The following LPA variants were observed in gnomAD, a reference collection of about 807,000 sequenced individuals.
The protein encoded by LPA is lipoprotein(a), also known as apolipoprotein(a).
In LPA, 199 loss-of-function variants were observed where a neutral mutation model predicts 197.9. That is an observed-to-expected ratio of 1.01 (90% confidence interval 0.90 to 1.13). The LOEUF (loss-of-function observed/expected upper bound fraction) is 1.13. Ranked by LOEUF, LPA falls within the 50% of genes most tolerant of loss-of-function variation. LPA has a pLI of 0.00. For synonymous variants in LPA, 715 were observed against 639.5 expected, an observed-to-expected ratio of 1.12 and a Z score of -1.78; for missense variants, 1,853 against 1,785.8, an observed-to-expected ratio of 1.04 and a Z score of -0.68.
At chr6:160,591,506 G>A (rs974195489) in intron 22 of LPA, among the ~76,000 whole-genome samples, 2 of 152,204 alleles carry the variant, frequency 1.3e-5, no homozygotes, top group Non-Finnish European at 2.9e-5. Flanking sequence ...TTCTATAGGA[G>A]TACCCAATCT....
At chr6:160,565,096 G>A (rs1312905611) in intron 28 of LPA, among the ~76,000 whole-genome samples, 3 of 152,236 alleles carry the variant, frequency 2.0e-5, no homozygotes, top group Non-Finnish European at 4.4e-5. Context: ...ACCTCTGGGG[G>A]CAGGGCATAG....
rs1779521140 is a variant in LPA at position 160,611,563 on chromosome 6, C to T, written c.2602G>A (p.Ala868Thr). ...HSRTPEYYPN[A>T]GLIMNYCRNP... ...TTATGGTAAAGAACAAAGACATACG[C>T]ATTTGGGTAGTATTCTGGGGTCCGA... Residue 868 changes from alanine to threonine, a missense_variant and splice_region_variant, in exon 16 of 39, where the codon GCT becomes ACT. Transcript: ENST00000316300. 1.9e-6 allele frequency: 3 copies of T among 1,606,464 alleles called. No individual in the cohort carries two copies. Among genetic ancestry groups the T allele is most frequent in the Non-Finnish European group, 1.7e-6 (2 of 1,179,086 alleles).
chr6:160,599,672 C>T lies in LPA; in HGVS notation c.3128-13G>A. 6.2e-7 allele frequency: 1 copy of T among 1,613,846 alleles called. No individual in the cohort carries two copies. Among genetic ancestry groups the T allele is most frequent in the East Asian group, 2.2e-5 (1 of 44,846 alleles). ...TCCTCAGTCAGTGCTGAAATTAAAA[C>T]AGAAGACATCAAGCTTATTATTTCC... On this transcript the variant is annotated splice_polypyrimidine_tract_variant and intron_variant, in intron 19 of 38. Coordinates refer to ENST00000316300, the MANE Select transcript of LPA (RefSeq NM_005577.4).
chr6:160,589,563 A>G lies in LPA; in HGVS notation c.3937T>C (p.Tyr1313His). ...AACTCAAAGACATACCCATTTGGGT[A>G]GTATTCTGTGGTTCTCTGATGCCAG... is the stretch of plus-strand genomic sequence containing the variant. ...PHWHQRTTEY[Y>H]PNGGLTRNYC... The change falls in exon 24 of 39, where the codon TAC becomes CAC. Residue 1313 changes from tyrosine (Y) to histidine (H), a missense_variant. Tyr to His is a moderately conservative substitution (Grantham distance 83, BLOSUM62 2). Around this residue, in one of 3 missense-constraint regions of LPA, gnomAD observed 1,737 missense variants for 1,504.4 expected, o/e 1.15. Transcript: ENST00000316300. 1 of 1,613,762 alleles carries G rather than the reference A, an allele frequency of 6.2e-7. No homozygotes were observed. Among genetic ancestry groups the G allele is most frequent in the South Asian group, 1.1e-5 (1 of 91,078 alleles).
intron 36 of LPA, among the ~76,000 whole-genome samples, chr6:160,538,369 T>C (rs2114996202): frequency 6.6e-6 from 1 of 152,300 alleles, no homozygotes; most frequent in African/African-American, 2.4e-5. Context: ...AAATTGCAAA[T>C]GCCTTGTGTG....
At chr6:160,584,235 T>C (rs1562331268) in intron 26 of LPA, among the ~76,000 whole-genome samples, 1 of 85,910 alleles carries the variant, frequency 1.2e-5, no homozygotes, top group Non-Finnish European at 2.3e-5. Flanking sequence ...TTCTTCTTCT[T>C]CTTCCTCCTC....
Position 160,532,428 on chromosome 6 carries a change from C to T in LPA, c.5961+103G>A, listed in dbSNP as rs573623067. On this transcript the variant is annotated intron_variant, in intron 38 of 38. Transcript: ENST00000316300. ...GAGCAACACTTAGACTGGGGTCTTC[C>T]ACTGACAAAACCTTCCTGAATTTGC... 31 of 876,026 alleles carry T rather than the reference C, an allele frequency of 3.5e-5. No homozygotes were observed. The South Asian group carries it at 3.8e-4, about 11-fold the overall frequency. 54.3% of individuals were successfully genotyped at this position (876,026 alleles called of 1,614,324 possible).
chr6:160,557,695 A>T, intron 28 of LPA, 124 bp from the exon 29 acceptor site: 1 of 810,374 alleles, frequency 1.2e-6, no homozygotes, highest in South Asian at 1.6e-5. Flanking sequence ...CATTTTAGGT[A>T]CAATAATATT....
chr6:160,534,387 G>A (rs1777853547), intron 37 of LPA, among the ~76,000 whole-genome samples: 1 of 152,172 alleles, frequency 6.6e-6, no homozygotes, highest in Non-Finnish European at 1.5e-5. Flanking sequence ...CCATCTCGTG[G>A]CCAATGTAGA....
chr6:160,586,696 C>T (rs572968140), intron 24 of LPA, 66 bp from the exon 25 acceptor site: 2 of 1,608,102 alleles, frequency 1.2e-6, no homozygotes, highest in East Asian at 4.5e-5. Context: ...CTGGCACCCT[C>T]TATGTTTTCT....
chr6:160,584,565 C>T (rs1049775090), intron 26 of LPA, among the ~76,000 whole-genome samples: 3 of 152,078 alleles, frequency 2.0e-5, no homozygotes, highest in Admixed American at 2.0e-4. Flanking sequence ...CTCCTGACCT[C>T]TGGTGATCTG....
At chr6:160,606,335 A>G in intron 17 of LPA, 142 bp downstream of exon 17, 11 of 1,273,124 alleles carry the variant, frequency 8.6e-6, no homozygotes, top group Non-Finnish European at 1.2e-5. Flanking sequence ...CAGAGAGTGC[A>G]CGGAGGCTTC....
chr6:160,609,841 T>A (rs1309801111), intron 16 of LPA, among the ~76,000 whole-genome samples: 6 of 152,026 alleles, frequency 3.9e-5, no homozygotes, highest in Admixed American at 2.6e-4. Flanking sequence ...TGAATGTGTG[T>A]GTGTGTGGCT....
At chr6:160,606,723 T>C in intron 16 of LPA, 65 bp from the exon 17 acceptor site, 1 of 1,581,718 alleles carries the variant, frequency 6.3e-7, no homozygotes, top group South Asian at 1.1e-5. Flanking sequence ...CCCCACACCC[T>C]CTCCTTTGTG....
chr6:160,556,277 A>T, intron 29 of LPA, 93 bp from the exon 30 acceptor site: 1 of 1,200,138 alleles, frequency 8.3e-7, no homozygotes, highest in Middle Eastern at 1.9e-4. Context: ...TTTCAGAATT[A>T]TGACTGTTCT....
At chr6:160,601,871 G>T (rs114261511) in intron 18 of LPA, among the ~76,000 whole-genome samples, 1 of 152,176 alleles carries the variant, frequency 6.6e-6, no homozygotes, top group African/African-American at 2.4e-5. Context: ...GGGAATGGGG[G>T]ATGAGTTGAA....
intron 28 of LPA, 102 bp from the exon 29 acceptor site, chr6:160,557,673 T>C (rs1778289097): frequency 1.8e-5 from 18 of 1,006,340 alleles, no homozygotes; most frequent in Middle Eastern, 2.1e-4. Flanking sequence ...AAAAGTGACG[T>C]TGTAATATTC....
Position 160,557,439 on chromosome 6 carries a change from C to G in LPA, c.4764G>C (p.Glu1588Asp). 6.2e-7 allele frequency: 1 copy of G among 1,614,158 alleles called. No homozygotes were observed. The highest frequency in any genetic ancestry group is 8.5e-7 in the Non-Finnish European group (1 of 1,180,024). The change falls in exon 29 of 39, where the codon GAG (glutamate) becomes GAC (aspartate). Residue 1588 changes from glutamate (E) to aspartate (D), a missense_variant. Physicochemically the swap from Glu to Asp is conservative, Grantham distance 45. This residue lies in a region of LPA where 1,737 missense variants were observed against 1,504.4 expected (regional missense o/e 1.15). Transcript: ENST00000316300. ...QCSETESGVL[E>D]TPTVVPVPSM... ...TTGGAACTGGAACAACAGTGGGAGT[C>G]TCTAGGACACCTGATTCTGTTTCTG...
rs561951785 is a variant in LPA, at chr6:160,587,760, T to A, written c.3948-1130A>T. On this transcript the variant is annotated intron_variant, in intron 24 of 38. Transcript: ENST00000316300. Reference sequence around the variant, plus strand: ...TTAATAGGTTCAGTCTTTGTGTGTGTGTGTGTGTGTGTGTGTGTGTGTGTG... The same window carrying A: ...TTAATAGGTTCAGTCTTTGTGTGTGAGTGTGTGTGTGTGTGTGTGTGTGTG... Among the ~76,000 whole-genome samples the A allele has an allele frequency of 7.4e-3, 843 of 113,340 alleles. 8 individuals carry two copies. The highest frequency in any genetic ancestry group is 0.033 in the African/African-American group (799 of 24,514). 74.4% of individuals were successfully genotyped at this position (113,340 alleles called of 152,430 possible).
Sources: gnomAD v4.1 joint callset for allele counts (sites outside exome capture counted in the v4.1 genomes callset) on GRCh38, gnomAD v4.1.1 for gene constraint, gnomAD v4.1.1 regional missense constraint, MANE v1.5 for transcripts, NCBI Gene and HGNC (gene_info 2026-07-23, HGNC 2026-07-21) for gene names.